The following WDR7 variants were observed in gnomAD, a reference collection of about 807,000 sequenced individuals.
The protein encoded by WDR7 is WD repeat-containing protein 7.
In WDR7, 46 loss-of-function variants were observed where a neutral mutation model predicts 169.4. The observed-to-expected ratio is 0.27, with a 90% CI of 0.21 to 0.35. WDR7 has a LOEUF of 0.35. Ranked by LOEUF, WDR7 falls within the 10% of genes least tolerant of loss-of-function variation. The pLI is 1.00. For missense variants in WDR7, 1,534 were observed against 1,859.3 expected (o/e 0.83, Z 3.22); for synonymous variants, 612 against 666.8 (o/e 0.92, Z 1.27).
chr18:56,896,391 A>G (rs961325751), intron 21 of WDR7, among the ~76,000 whole-genome samples: 1 of 151,824 alleles, frequency 6.6e-6, no homozygotes, highest in Non-Finnish European at 1.5e-5. Flanking sequence ...TGACACTCCT[A>G]AAGAAGATAA....
At chr18:56,815,972 T>C in intron 19 of WDR7, 59 bp from the exon 20 acceptor site, 1 of 1,381,742 alleles carries the variant, frequency 7.2e-7, no homozygotes, top group South Asian at 1.4e-5. Flanking sequence ...CTTCAAACTT[T>C]CTGTTTGCTT....
chr18:56,884,610 C>T (rs1300597501), intron 21 of WDR7, among the ~76,000 whole-genome samples: 1 of 152,160 alleles, frequency 6.6e-6, no homozygotes, highest in Non-Finnish European at 1.5e-5. Context: ...GAGAACCACA[C>T]TCCCATCCCC....
rs2043897391 is a variant in WDR7, at chr18:56,756,747, G to T, written c.2154G>T (p.Glu718Asp). ...SRPNTALISP[E>D]NLQKASGSSD... ...CGAATACTGCTCTTATTTCCCCAGA[G>T]AATTTGCAAAAAGCATCTGGCAGTT... The change falls in exon 15 of 28, where the codon GAG becomes GAT. Residue 718 changes from glutamate to aspartate, a missense_variant. Transcript: ENST00000254442. 6.2e-7 allele frequency: 1 copy of T among 1,613,936 alleles called. No homozygotes were observed. The highest frequency in any genetic ancestry group is 8.5e-7 in the Non-Finnish European group (1 of 1,180,002).
chr18:56,869,092 A>G (rs2032766400), intron 20 of WDR7, among the ~76,000 whole-genome samples: 6 of 152,176 alleles, frequency 3.9e-5, no homozygotes. Flanking sequence ...AATTACTTGA[A>G]AAACATGTGA....
chr18:56,910,772 A>T (rs2046541624), intron 21 of WDR7, among the ~76,000 whole-genome samples: 1 of 152,106 alleles, frequency 6.6e-6, no homozygotes. Flanking sequence ...ATTGTCTGTG[A>T]TTTCAGTTTC....
chr18:56,652,799 T>C (rs1324880163), intron 1 of WDR7, among the ~76,000 whole-genome samples: 1 of 152,162 alleles, frequency 6.6e-6, no homozygotes, highest in South Asian at 2.1e-4. Context: ...TTTTTTCTTA[T>C]TGCCACCTGT....
intron 22 of WDR7, among the ~76,000 whole-genome samples, chr18:56,932,221 G>A (rs1430344300): frequency 2.0e-5 from 3 of 152,138 alleles, no homozygotes; most frequent in Non-Finnish European, 4.4e-5. Context: ...TCCACATTCT[G>A]CAGTCCTGTG....
At position 56,827,893 on chromosome 18, in the gene WDR7, C is replaced by A. The variant is rs1599079385; in HGVS notation, c.3304+11749C>A. Among the ~76,000 whole-genome samples, 2 of 151,994 alleles carry A rather than the reference C, an allele frequency of 1.3e-5. 1 individual carries two copies. On this transcript the variant is annotated intron_variant, in intron 20 of 27. Coordinates refer to ENST00000254442, the MANE Select transcript of WDR7 (RefSeq NM_015285.3). ...AACAGCAAAAAACAAAAAAGATTGT[C>A]TTGAGGATTAAATGAGATGATGCAT...
intron 21 of WDR7, among the ~76,000 whole-genome samples, chr18:56,887,647 A>T (rs1280939238): frequency 6.6e-6 from 1 of 151,984 alleles, no homozygotes; most frequent in Non-Finnish European, 1.5e-5. Context: ...ATTTGCTTTT[A>T]ACTTTTATCC....
chr18:56,714,622 C>G (rs538135874), intron 12 of WDR7, among the ~76,000 whole-genome samples: 32 of 152,016 alleles, frequency 2.1e-4, no homozygotes, highest in African/African-American at 6.8e-4. Flanking sequence ...CCATGTTAGC[C>G]AGGCTGGTCT....
chr18:56,964,971 G>A (rs970477689), intron 26 of WDR7, among the ~76,000 whole-genome samples: 2 of 152,092 alleles, frequency 1.3e-5, no homozygotes, highest in Non-Finnish European at 2.9e-5. Flanking sequence ...GGAAAAAAAT[G>A]AGCCAACATT....
At chr18:56,994,816 T>G (rs2047875114) in intron 26 of WDR7, among the ~76,000 whole-genome samples, 1 of 152,222 alleles carries the variant, frequency 6.6e-6, no homozygotes, top group African/African-American at 2.4e-5. Flanking sequence ...CTTCTCTTCA[T>G]TCTAGCATCC....
chr18:56,844,652 A>G (rs2045541532), intron 20 of WDR7, among the ~76,000 whole-genome samples: 1 of 152,256 alleles, frequency 6.6e-6, no homozygotes, highest in Non-Finnish European at 1.5e-5. Flanking sequence ...GAAACCTTAC[A>G]TTCAACAAGG....
chr18:56,736,438 C>T (rs376761161), intron 14 of WDR7, among the ~76,000 whole-genome samples: 189 of 151,544 alleles, frequency 1.2e-3, no homozygotes, highest in African/African-American at 4.3e-3. Flanking sequence ...GCCACATCTT[C>T]GTATGATATT....
intron 12 of WDR7, among the ~76,000 whole-genome samples, chr18:56,717,256 T>A (rs956557429): frequency 6.6e-6 from 1 of 152,228 alleles, no homozygotes; most frequent in African/African-American, 2.4e-5. Context: ...ATGGGTTCAG[T>A]TCTCTCTTAC....
At chr18:56,760,189 T>C (rs1048002126) in intron 16 of WDR7, among the ~76,000 whole-genome samples, 1 of 152,118 alleles carries the variant, frequency 6.6e-6, no homozygotes, top group Non-Finnish European at 1.5e-5. Context: ...AACAGAAACG[T>C]ACAGTGATTT....
chr18:56,736,440 T>C (rs1200086321), intron 14 of WDR7, among the ~76,000 whole-genome samples: 1 of 151,830 alleles, frequency 6.6e-6, no homozygotes, highest in Non-Finnish European at 1.5e-5. Flanking sequence ...CACATCTTCG[T>C]ATGATATTAT....
At chr18:56,684,443 A>G (rs537935516) in intron 5 of WDR7, among the ~76,000 whole-genome samples, 2 of 152,312 alleles carry the variant, frequency 1.3e-5, no homozygotes, top group East Asian at 3.9e-4. Flanking sequence ...CAGACAATAC[A>G]TTAGTGATTG....
intron 20 of WDR7, among the ~76,000 whole-genome samples, chr18:56,843,927 A>G (rs969373093): frequency 1.7e-4 from 25 of 149,624 alleles, no homozygotes; most frequent in Non-Finnish European, 8.9e-5. Flanking sequence ...CAGTGGTACA[A>G]TCTTGGTTCA....
Sources: gnomAD v4.1 joint callset for allele counts (sites outside exome capture counted in the v4.1 genomes callset) on GRCh38, gnomAD v4.1.1 for gene constraint, MANE v1.5 for transcripts, NCBI Gene and HGNC (gene_info 2026-07-23, HGNC 2026-07-21) for gene names.